MX2: variants seen among roughly 807,000 people sequenced by gnomAD.
MX2 encodes the protein MX dynamin like GTPase 2.
Under a neutral mutation model 74.0 loss-of-function variants are expected in MX2, and 51 were observed. The observed-to-expected ratio is 0.69, with a 90% CI of 0.55 to 0.87. The LOEUF is 0.87. Among genes scored for constraint, MX2 ranks in the 40% least tolerant of loss-of-function variants. The pLI is 0.00. For missense variants in MX2, 832 were observed against 908.7 expected, an observed-to-expected ratio of 0.92 and a Z score of 1.09; for synonymous variants, 369 against 339.3, an observed-to-expected ratio of 1.09 and a Z score of -0.96.
chr21:41,373,492 C>T (rs1021057355), intron 1 of MX2, among the ~76,000 whole-genome samples: 1 of 152,168 alleles, frequency 6.6e-6, no homozygotes, highest in Non-Finnish European at 1.5e-5. Context: ...AGGCTGCAGG[C>T]AGTCTCCAGC....
intron 10 of MX2, 111 bp downstream of exon 10, chr21:41,399,448 GTGGAACCCT>G (rs2089781582): frequency 8.4e-7 from 1 of 1,193,504 alleles, no homozygotes; most frequent in African/African-American, 1.5e-5. Context: ...ATCCAAGACC[GTGGAACCCT>G]TGGTAATCAG....
rs1051778491 is a variant in MX2, at chr21:41,368,315, A to T, written c.-72+6260A>T. Among the ~76,000 whole-genome samples, 6 of 152,214 alleles carry T rather than the reference A, an allele frequency of 3.9e-5. No individual in the cohort carries two copies. Among genetic ancestry groups the T allele is most frequent in the Non-Finnish European group, 8.8e-5 (6 of 68,032 alleles). The stretch of plus-strand genomic sequence containing the variant: ...CAGGCTCCCGAGACAGTCCACTCAC[A>T]CAGACACACTGTAGCCATTTCTGAA... On this transcript the variant is annotated intron_variant, in intron 1 of 13. Coordinates refer to ENST00000330714, the MANE Select transcript of MX2 (RefSeq NM_002463.2). The surrounding 1 kb of genome is among the most constrained non-coding windows in gnomAD (Gnocchi z 4.6).
At chr21:41,392,868 G>C (rs958493904) in intron 6 of MX2, among the ~76,000 whole-genome samples, 1 of 152,082 alleles carries the variant, frequency 6.6e-6, no homozygotes, top group Admixed American at 6.5e-5. Context: ...ACTTTGGGGG[G>C]CCAAGGCGGG....
chr21:41,399,068 G>A (rs2089775044), intron 9 of MX2, 49 bp downstream of exon 9: 1 of 1,598,172 alleles, frequency 6.3e-7, no homozygotes. Flanking sequence ...TTCCCTGGTG[G>A]CCCTGCAGCT....
intron 6 of MX2, among the ~76,000 whole-genome samples, chr21:41,392,347 A>G (rs975749210): frequency 6.6e-6 from 1 of 152,262 alleles, no homozygotes; most frequent in Non-Finnish European, 1.5e-5. Flanking sequence ...AAGGAGGGAA[A>G]TTCTGAAGCA....
At chr21:41,371,331 C>G (rs1200893729) in intron 1 of MX2, among the ~76,000 whole-genome samples, 1 of 152,116 alleles carries the variant, frequency 6.6e-6, no homozygotes, top group Non-Finnish European at 1.5e-5. Flanking sequence ...TTGCCTGTTT[C>G]TACTGACTCT....
At chr21:41,379,931 G>A (rs78103047) in intron 3 of MX2, 86 bp from the exon 4 acceptor site, 38,077 of 1,547,844 alleles carry the variant, frequency 0.025, 1,153 homozygotes, top group East Asian at 0.15. Context: ...GGCCTTTGGG[G>A]ACAGCAGGGC....
rs900087973 is a variant in MX2 at position 41,406,748 on chromosome 21, C to G, written c.1655C>G (p.Thr552Arg). 6.2e-6 allele frequency: 10 copies of G among 1,613,616 alleles called. No individual in the cohort carries two copies. The East Asian group carries it at 2.2e-4, about 36-fold the overall frequency. ...FFNLNQTVQS[T>R]IEDIKVKHTA... ...TTGTCTTTTTTATCTAACCAGAGCA[C>G]GATTGAAGACATAAAAGTGAAACAC... The change falls in exon 13 of 14, where the codon ACG becomes AGG. Residue 552 changes from threonine (T) to arginine (R), a missense_variant. Thr to Arg is a moderately conservative substitution (Grantham distance 71). Transcript: ENST00000330714.
chr21:41,362,301 G>A (rs768839357), intron 1 of MX2, among the ~76,000 whole-genome samples: 9 of 152,164 alleles, frequency 5.9e-5, no homozygotes, highest in South Asian at 2.1e-4. Context: ...CTGGGGACAG[G>A]GTGGCCTCCA....
In MX2 at chr21:41,376,923, A is replaced by T; in HGVS notation, c.17A>T (p.Lys6Met). The change falls in exon 2 of 14, where the codon AAG (lysine) becomes ATG (methionine). Residue 6 changes from lysine to methionine, a missense_variant. By Grantham distance (95) the Lys-to-Met change is moderately conservative (BLOSUM62 -1). Coordinates refer to ENST00000330714, the MANE Select transcript of MX2 (RefSeq NM_002463.2). MSKAH[K>M]PWPYRRRSQF... ...AGACAGCACATGTCTAAGGCCCACA[A>T]GCCTTGGCCCTACCGGAGGAGAAGT... is the stretch of plus-strand genomic sequence containing the variant. 6.2e-7 allele frequency: 1 copy of T among 1,613,998 alleles called. No individual in the cohort carries two copies. The highest frequency in any genetic ancestry group is 8.5e-7 in the Non-Finnish European group (1 of 1,180,034).
At chr21:41,403,461 C>G (rs1056032781) in intron 12 of MX2, 118 bp downstream of exon 12, 3 of 964,472 alleles carry the variant, frequency 3.1e-6, no homozygotes, top group Non-Finnish European at 3.3e-6. Context: ...GGCAGGCTGG[C>G]GAGGCTGGCA....
chr21:41,377,770 T>A lies in MX2; in HGVS notation c.250-19T>A, dbSNP rs2145881363. The A allele has an allele frequency of 6.3e-7, 1 of 1,594,264 alleles. No individual in the cohort carries two copies. The highest frequency in any genetic ancestry group is 1.1e-5 in the South Asian group (1 of 90,222). On this transcript the variant is annotated intron_variant, in intron 2 of 13. Coordinates refer to ENST00000330714, the MANE Select transcript of MX2 (RefSeq NM_002463.2). ...CCTATCAGGGGTCAAGGCAGTGGCA[T>A]CTGTTCTGCCTTCTCCAGGGGCCCG...
In MX2 at chr21:41,399,268, C is replaced by T. The variant is rs1329272567; in HGVS notation, c.1345C>T (p.Arg449Cys). The change falls in exon 10 of 14, where the codon CGT becomes TGT. Residue 449 changes from arginine to cysteine, a missense_variant. Physicochemically the swap from Arg to Cys is radical, Grantham distance 180 (BLOSUM62 -3). Coordinates refer to ENST00000330714, the MANE Select transcript of MX2 (RefSeq NM_002463.2). ...AGAAGTTGTAAGGGAGAATGAGACCCGTTTATACAACAAAATCAGAGAGGA... is the reference window on the plus strand; with the variant it reads ...AGAAGTTGTAAGGGAGAATGAGACCTGTTTATACAACAAAATCAGAGAGGA... Reference protein sequence around the residue: ...GEEVVRENETRLYNKIREDFK... With the variant: ...GEEVVRENETCLYNKIREDFK... 8 of 1,613,480 alleles carry T rather than the reference C, an allele frequency of 5.0e-6. No individual in the cohort carries two copies. Among genetic ancestry groups the T allele is most frequent in the Middle Eastern group, 1.6e-4 (1 of 6,082 alleles).
intron 2 of MX2, among the ~76,000 whole-genome samples, chr21:41,377,555 G>A (rs1301589941): frequency 1.3e-5 from 2 of 152,110 alleles, no homozygotes; most frequent in Non-Finnish European, 2.9e-5. Context: ...CCCTCCCCAG[G>A]AGGCACACCC....
At chr21:41,404,873 C>CAAAAAAAAAAAAAAAAAAA (rs547207365) in intron 12 of MX2, 52 of 68,664 alleles carry the variant, frequency 7.6e-4, no homozygotes, top group Non-Finnish European at 1.1e-3. Context: ...CACATATACT[C>CAAAAAAAAAAAAAAAAAAA]AAAAAAAAAA....
chr21:41,369,901 G>T lies in MX2; in HGVS notation c.-71-6935G>T, dbSNP rs915068603. On this transcript the variant is annotated intron_variant, in intron 1 of 13. Transcript: ENST00000330714. Reference sequence around the variant, plus strand: ...AGCAGGGGACAGTCCCATCAGCAAAGTCGGGGAACTTCCAGGAAGCCCGCG... The same window carrying T: ...AGCAGGGGACAGTCCCATCAGCAAATTCGGGGAACTTCCAGGAAGCCCGCG... 1.0e-4 allele frequency among the ~76,000 whole-genome samples: 14 copies of T among 137,922 alleles called. No homozygotes were observed. The Admixed American group carries it at 1.1e-3, about 11-fold the overall frequency. The allele number at this position is 137,922 out of a possible 152,430, so 90.5% of individuals were successfully genotyped here.
At chr21:41,376,024 T>C (rs1285569879) in intron 1 of MX2, among the ~76,000 whole-genome samples, 6 of 152,226 alleles carry the variant, frequency 3.9e-5, no homozygotes, top group African/African-American at 1.4e-4. Context: ...AGCATGGTGC[T>C]GCCCTCATCT....
At position 41,373,805 on chromosome 21, in the gene MX2, T is replaced by TAAAAAAA. The variant is rs34254609; in HGVS notation, c.-71-3016_-71-3010dup. ...CCTTGCTTTCCCAGACTCTCAAACT[T>TAAAAAAA]AAAAAAAAAAAAAAAAAAAAAGCCA... is the stretch of plus-strand genomic sequence containing the variant. On this transcript the variant is annotated intron_variant, in intron 1 of 13. Coordinates refer to ENST00000330714, the MANE Select transcript of MX2 (RefSeq NM_002463.2). The TAAAAAAA allele has an allele frequency of 3.1e-3, 283 of 91,138 alleles. 5 individuals carry two copies. Among genetic ancestry groups the TAAAAAAA allele is most frequent in the African/African-American group, 0.01 (246 of 23,538 alleles). The allele number at this position is 91,138 out of a possible 1,614,324, so 5.6% of individuals were successfully genotyped here.
intron 4 of MX2, among the ~76,000 whole-genome samples, chr21:41,381,136 C>T (rs17000851): frequency 6.6e-5 from 10 of 152,298 alleles, no homozygotes; most frequent in Admixed American, 2.0e-4. Flanking sequence ...CTCCAATTTC[C>T]GTGTTCACCC....
Sources: gnomAD v4.1 joint callset for allele counts (sites outside exome capture counted in the v4.1 genomes callset) on GRCh38, gnomAD v4.1.1 for gene constraint, Gnocchi (gnomAD v3.1) non-coding constraint, MANE v1.5 for transcripts, NCBI Gene and HGNC (gene_info 2026-07-23, HGNC 2026-07-21) for gene names.